Variants in PCNX2 observed in about 807,000 individuals in gnomAD.
PCNX2 encodes the protein pecanex 2.
Under a neutral mutation model 223.8 loss-of-function variants are expected in PCNX2, and 168 were observed. The ratio of observed to expected loss-of-function variants is 0.75; its 90% CI spans 0.66 to 0.85. The LOEUF (loss-of-function observed/expected upper bound fraction) is 0.85. PCNX2 is among the 40% of genes least tolerant of loss of function. The pLI is 0.00. For synonymous variants in PCNX2, 1,006 were observed against 1,052.6 expected, an observed-to-expected ratio of 0.96 and a Z score of 0.86; for missense variants, 2,507 against 2,675.5, an observed-to-expected ratio of 0.94 and a Z score of 1.39.
At chr1:233,267,913 G>A (rs1660428415) in intron 1 of PCNX2, among the ~76,000 whole-genome samples, 1 of 151,832 alleles carries the variant, frequency 6.6e-6, no homozygotes, top group South Asian at 2.1e-4. Context: ...ATGATAATTC[G>A]ATGTTTAGTT....
intron 1 of PCNX2, among the ~76,000 whole-genome samples, chr1:233,274,638 G>A (rs1430498998): frequency 6.6e-6 from 1 of 152,206 alleles, no homozygotes; most frequent in South Asian, 2.1e-4. Context: ...AATGGGGGTA[G>A]CAGACCAAGA....
chr1:233,229,326 A>T (rs908795155), intron 9 of PCNX2, among the ~76,000 whole-genome samples: 3 of 152,238 alleles, frequency 2.0e-5, no homozygotes, highest in African/African-American at 7.2e-5. Context: ...CTGAATGATA[A>T]CAGTAAAGTT....
chr1:233,101,562 T>G (rs1229536192), intron 21 of PCNX2, among the ~76,000 whole-genome samples: 1 of 152,194 alleles, frequency 6.6e-6, no homozygotes, highest in Non-Finnish European at 1.5e-5. Context: ...ATAGGCTTCA[T>G]GGAGCATGGT....
At chr1:233,011,642 A>T (rs1244572123) in intron 28 of PCNX2, among the ~76,000 whole-genome samples, 1 of 152,114 alleles carries the variant, frequency 6.6e-6, no homozygotes, top group African/African-American at 2.4e-5. Flanking sequence ...CTCCATAAAA[A>T]GCCCAAAGGA....
At chr1:233,016,795 T>C in intron 27 of PCNX2, 126 bp downstream of exon 27, 1 of 1,446,822 alleles carries the variant, frequency 6.9e-7, no homozygotes, top group Non-Finnish European at 9.1e-7. Context: ...TCTGTCCAAA[T>C]AGTGCTTTTT....
chr1:233,312,450 A>C, the PCNX2 span, among the ~76,000 whole-genome samples: 2 of 152,194 alleles, frequency 1.3e-5, no homozygotes, highest in African/African-American at 4.8e-5. Flanking sequence ...CTGTAGAAGA[A>C]ATAGAGAATA....
chr1:233,141,187 T>C (rs1266306381), intron 19 of PCNX2, among the ~76,000 whole-genome samples: 2 of 152,182 alleles, frequency 1.3e-5, no homozygotes, highest in South Asian at 4.1e-4. Flanking sequence ...TATCCAAGAT[T>C]AGCATACAAA....
At chr1:233,226,018 G>C (rs1282791703) in intron 10 of PCNX2, among the ~76,000 whole-genome samples, 3 of 152,126 alleles carry the variant, frequency 2.0e-5, no homozygotes, top group African/African-American at 7.2e-5. Context: ...ATAAAAACCA[G>C]TCACTGGGGG....
intron 26 of PCNX2, among the ~76,000 whole-genome samples, chr1:233,019,784 T>C (rs1301200777): frequency 6.6e-6 from 1 of 152,124 alleles, no homozygotes; most frequent in African/African-American, 2.4e-5. Flanking sequence ...GCACATCTGA[T>C]ATTCACAAAT....
chr1:233,241,118 C>G, intron 8 of PCNX2: 1 of 949,422 alleles, frequency 1.1e-6, no homozygotes, highest in Non-Finnish European at 1.3e-6. Context: ...CAGCACTGTT[C>G]TGAAAACCAT....
Position 233,259,126 on chromosome 1 carries a change from C to T in PCNX2, c.736G>A (p.Gly246Ser), listed in dbSNP as rs1659907910. ...TTCAAGGGTCCCTTATCCACTAAGC[C>T]ACCCTCGGATCTGTGGCGCAAAGGA... ...QPPLRHRSEG[G>S]LVDKGPLKKL... Residue 246 changes from glycine to serine, a missense_variant, in exon 5 of 34, where the codon GGC (glycine) becomes AGC (serine). Transcript: ENST00000258229. 2.5e-6 allele frequency: 4 copies of T among 1,614,014 alleles called. No homozygotes were observed. The highest frequency in any genetic ancestry group is 2.5e-6 in the Non-Finnish European group (3 of 1,179,890).
intron 15 of PCNX2, among the ~76,000 whole-genome samples, chr1:233,187,022 A>C (rs1680135323): frequency 1.3e-5 from 2 of 152,246 alleles, no homozygotes. Flanking sequence ...TTTATGTGAC[A>C]CACTAATAGG....
At chr1:233,255,696 G>C (rs1659697899) in intron 5 of PCNX2, among the ~76,000 whole-genome samples, 2 of 152,176 alleles carry the variant, frequency 1.3e-5, no homozygotes, top group Non-Finnish European at 2.9e-5. Flanking sequence ...GTACATTAGA[G>C]AGAACTGGAG....
At chr1:233,080,710 A>C (rs1286166540) in intron 23 of PCNX2, among the ~76,000 whole-genome samples, 1 of 152,024 alleles carries the variant, frequency 6.6e-6, no homozygotes, top group African/African-American at 2.4e-5. Context: ...CTTATGACCT[A>C]ATCACCTCCT....
chr1:233,311,577 G>A, the PCNX2 span, among the ~76,000 whole-genome samples: 2,101 of 152,262 alleles, frequency 0.014, 56 homozygotes, highest in African/African-American at 0.048. Context: ...ACAAATATCC[G>A]CTTCTTTCAT....
intron 15 of PCNX2, among the ~76,000 whole-genome samples, chr1:233,182,208 A>G (rs1288446596): frequency 6.6e-6 from 1 of 152,166 alleles, no homozygotes. Context: ...AGTTTTTGAC[A>G]TGGGAGGGGT....
intron 22 of PCNX2, among the ~76,000 whole-genome samples, chr1:233,091,732 C>CAAA (rs11335249): frequency 5.5e-5 from 6 of 109,068 alleles, no homozygotes; most frequent in East Asian, 2.7e-4. Context: ...GACCCTCCCT[C>CAAA]AAAAAAAAAA....
At chr1:233,291,664 C>G in intron 1 of PCNX2, 1 of 960,644 alleles carries the variant, frequency 1.0e-6, no homozygotes, top group Non-Finnish European at 1.2e-6. Context: ...TGACATGAGG[C>G]TAGTGCTCTC....
At chr1:232,984,625 A>T (rs1669400431) in intron 33 of PCNX2, 148 bp from the exon 34 acceptor site, 1 of 837,252 alleles carries the variant, frequency 1.2e-6, no homozygotes, top group Non-Finnish European at 1.8e-6. Context: ...GTCAAATGAT[A>T]GAGGGCCAGC....
Sources: allele counts gnomAD v4.1 joint callset (sites outside exome capture counted in the v4.1 genomes callset), GRCh38; gene constraint gnomAD v4.1.1; transcripts MANE v1.5; gene names NCBI Gene and HGNC (gene_info 2026-07-23, HGNC 2026-07-21).